The following FMO5 variants were observed in gnomAD, a reference collection of about 807,000 sequenced individuals.
The protein encoded by FMO5 is flavin containing dimethylaniline monoxygenase 5.
A neutral mutation model predicts 43.6 loss-of-function variants in FMO5; 51 were observed. The ratio of observed to expected loss-of-function variants is 1.17; its 90% CI spans 0.93 to 1.48. The LOEUF (loss-of-function observed/expected upper bound fraction) is 1.48. Among genes scored for constraint, FMO5 ranks in the 40% most tolerant of loss-of-function variants. The probability of loss-of-function intolerance (pLI) is 0.00; values close to 1 mark genes in which losing one functional copy is unlikely to be tolerated. For synonymous variants in FMO5, 187 were observed against 216.5 expected (o/e 0.86, Z 1.20); for missense variants, 644 against 643.0 (o/e 1.00, Z -0.02).
chr1:147,224,606 T>C (rs1663672014), intron 2 of FMO5, among the ~76,000 whole-genome samples: 1 of 151,938 alleles, frequency 6.6e-6, no homozygotes, highest in African/African-American at 2.4e-5. Flanking sequence ...GCCTCCCAAG[T>C]TCACCCCATC....
chr1:147,184,569 A>G (rs1655458526), downstream of FMO5: 26 of 1,549,420 alleles, frequency 1.7e-5, no homozygotes, highest in Non-Finnish European at 2.3e-5. This position sits in a 1 kb window ranked among gnomAD's most constrained non-coding sequence, Gnocchi z 4.4. Flanking sequence ...GTTTTGAGGT[A>G]GTCAGGTATT....
chr1:147,184,454 G>T (rs1222940469), downstream of FMO5: 1 of 1,389,500 alleles, frequency 7.2e-7, no homozygotes, highest in African/African-American at 1.5e-5. The surrounding 1 kb of genome is among the most constrained non-coding windows in gnomAD (Gnocchi z 4.4). Context: ...TTTTTCTGTT[G>T]CAGGAGTCCA....
chr1:147,198,143 G>A (rs587736503), intron 7 of FMO5, among the ~76,000 whole-genome samples: 8 of 152,258 alleles, frequency 5.3e-5, no homozygotes, highest in African/African-American at 1.9e-4. Flanking sequence ...TCCAGTTCAG[G>A]CTTTTAACAT....
intron 6 of FMO5, chr1:147,203,570 A>C: frequency 9.9e-7 from 1 of 1,007,640 alleles, no homozygotes; most frequent in East Asian, 2.4e-5. Context: ...TCTCCAGAGT[A>C]TTTCTGCCAG....
chr1:147,198,872 A>AAAAAAAG (rs1553920319), intron 7 of FMO5, among the ~76,000 whole-genome samples: 20 of 144,676 alleles, frequency 1.4e-4, no homozygotes, highest in African/African-American at 3.4e-4. Context: ...AAAAAAAAAA[A>AAAAAAAG]AAAGAAAGAA....
chr1:147,224,926 G>A lies in FMO5; in HGVS notation c.104C>T (p.Thr35Ile). 6.2e-7 allele frequency: 1 copy of A among 1,614,090 alleles called. No homozygotes were observed. Among genetic ancestry groups the A allele is most frequent in the Non-Finnish European group, 8.5e-7 (1 of 1,180,026 alleles). ...EGLEPVCFER[T>I]DDIGGLWRFQ... ...CCTCCAGAGCCCTCCGATGTCATCA[G>A]TCCTTTCAAAGCAGACAGGTTCCAA... Residue 35 changes from threonine (T) to isoleucine (I), a missense_variant, in exon 2 of 9, where the codon ACT (threonine) becomes ATT (isoleucine). Physicochemically the swap from Thr to Ile is moderately conservative, Grantham distance 89. Transcript: ENST00000254090.
At chr1:147,203,729 A>T (rs1408916368) in intron 6 of FMO5, 3 of 1,533,446 alleles carry the variant, frequency 2.0e-6, no homozygotes, top group African/African-American at 2.7e-5. Context: ...ATCCCTTGTA[A>T]GAACTTTGAA....
intron 6 of FMO5, chr1:147,203,991 G>T: frequency 8.5e-7 from 1 of 1,175,584 alleles, no homozygotes; most frequent in Non-Finnish European, 1.3e-6. Flanking sequence ...TTTGAGTTTA[G>T]CTTCACTAAC....
intron 7 of FMO5, among the ~76,000 whole-genome samples, chr1:147,191,651 G>A (rs1656850954): frequency 6.1e-5 from 9 of 147,772 alleles, no homozygotes; most frequent in Admixed American, 5.4e-4. Flanking sequence ...TCACTCTGAT[G>A]GTAGTTTCTT....
At chr1:147,214,225 G>A (rs587726483) in intron 3 of FMO5, among the ~76,000 whole-genome samples, 6 of 152,236 alleles carry the variant, frequency 3.9e-5, no homozygotes, top group African/African-American at 1.2e-4. Flanking sequence ...GCTGAGCCAG[G>A]TGAATCACCC....
chr1:147,217,751 T>G (rs1662269346), intron 2 of FMO5, among the ~76,000 whole-genome samples: 1 of 152,252 alleles, frequency 6.6e-6, no homozygotes, highest in Non-Finnish European at 1.5e-5. Context: ...GTGGCTGGAC[T>G]AAATCTCTGC....
chr1:147,207,081 T>C (rs782710585), intron 6 of FMO5, among the ~76,000 whole-genome samples: 6 of 152,136 alleles, frequency 3.9e-5, no homozygotes, highest in Non-Finnish European at 8.8e-5. Context: ...ATATTGCCAA[T>C]GTATTAATGT....
intron 2 of FMO5, among the ~76,000 whole-genome samples, chr1:147,217,788 C>T (rs930583775): frequency 1.3e-5 from 2 of 152,192 alleles, no homozygotes; most frequent in South Asian, 2.1e-4. Context: ...GATGTTTTCC[C>T]ATTTCCTGCA....
chr1:147,196,815 T>G (rs1207523783), intron 7 of FMO5, among the ~76,000 whole-genome samples: 1 of 152,158 alleles, frequency 6.6e-6, no homozygotes. Context: ...TTTCTGTCTC[T>G]CTTCTCCAAC....
chr1:147,193,248 G>T (rs1215627648), intron 7 of FMO5, among the ~76,000 whole-genome samples: 1 of 152,144 alleles, frequency 6.6e-6, no homozygotes, highest in Non-Finnish European at 1.5e-5. Flanking sequence ...GAGGGTGTAT[G>T]TGTTGAGGAA....
At chr1:147,191,290 A>C (rs1227360557) in intron 7 of FMO5, among the ~76,000 whole-genome samples, 1 of 151,672 alleles carries the variant, frequency 6.6e-6, no homozygotes, top group Non-Finnish European at 1.5e-5. Context: ...ACTAGTTTAC[A>C]GTCCCACCAA....
chr1:147,194,185 G>A (rs1553919192), intron 7 of FMO5, among the ~76,000 whole-genome samples: 1 of 152,100 alleles, frequency 6.6e-6, no homozygotes, highest in African/African-American at 2.4e-5. Flanking sequence ...ATGAATCTGG[G>A]TGCTCCTGCA....
chr1:147,223,006 T>C (rs1663327227), intron 2 of FMO5, among the ~76,000 whole-genome samples: 6 of 152,220 alleles, frequency 3.9e-5, no homozygotes. Context: ...CTGTTGTAAG[T>C]GATTGGCATA....
Position 147,212,397 on chromosome 1 carries a change from T to G in FMO5, c.626A>C (p.Lys209Thr). 6.2e-7 allele frequency: 1 copy of G among 1,614,008 alleles called. No homozygotes were observed. The highest frequency in any genetic ancestry group is 2.2e-5 in the East Asian group (1 of 44,876). The change falls in exon 5 of 9, where the codon AAG (lysine) becomes ACG (threonine). Residue 209 changes from lysine to threonine, a missense_variant. Transcript: ENST00000254090. ...TAATAATTGAGTGATTCAAACCTGC[T>G]TGGCTGTTTGGCTAATCTCTACAGC... ...DLAVEISQTA[K>T]QVFLSTRRGA...
Sources: allele counts gnomAD v4.1 joint callset (sites outside exome capture counted in the v4.1 genomes callset), GRCh38; gene constraint gnomAD v4.1.1; non-coding constraint Gnocchi (gnomAD v3.1); transcripts MANE v1.5; gene names NCBI Gene and HGNC (gene_info 2026-07-23, HGNC 2026-07-21).